Variants in KLF15 observed in about 807,000 individuals in gnomAD.
The protein encoded by KLF15 is Krueppel-like factor 15.
In KLF15, 4 loss-of-function variants were observed where a neutral mutation model predicts 24.6. The observed-to-expected ratio is 0.16, with a 90% CI of 0.08 to 0.37. The LOEUF (loss-of-function observed/expected upper bound fraction) is 0.37. KLF15 is among the 10% of genes least tolerant of loss of function. The pLI is 1.00. For missense variants in KLF15, 496 were observed against 560.6 expected (o/e 0.88, Z 1.16); for synonymous variants, 246 against 236.3 (o/e 1.04, Z -0.37).
rs567471141 is a variant in KLF15 at position 126,356,765 on chromosome 3, G to T, written c.-26+472C>A. ...CAGACCCCTTCTAGAGTCCTGGACC[G>T]CTGCCCGCTGGGCACCATGCCCTCG... On this transcript the variant is annotated intron_variant, in intron 1 of 2. Coordinates refer to ENST00000296233, the MANE Select transcript of KLF15 (RefSeq NM_014079.4). This position sits in a 1 kb window ranked among gnomAD's most constrained non-coding sequence, Gnocchi z 4.4. Among the ~76,000 whole-genome samples, 1 of 152,012 alleles carries T rather than the reference G, an allele frequency of 6.6e-6. No homozygotes were observed. The highest frequency in any genetic ancestry group is 2.4e-5 in the African/African-American group (1 of 41,400).
chr3:126,337,745 G>T (rs567731630), downstream of KLF15, among the ~76,000 whole-genome samples: 1 of 152,142 alleles, frequency 6.6e-6, no homozygotes, highest in Non-Finnish European at 1.5e-5. Context: ...GCTATTCTAA[G>T]TGTGTTGCAT....
the KLF15 span, among the ~76,000 whole-genome samples, chr3:126,309,470 G>A: frequency 1.3e-5 from 2 of 152,246 alleles, no homozygotes; most frequent in African/African-American, 2.4e-5. Flanking sequence ...CGACAGATTC[G>A]AGTTGGAGGT....
At chr3:126,303,917 C>T in the KLF15 span, among the ~76,000 whole-genome samples, 1 of 151,392 alleles carries the variant, frequency 6.6e-6, no homozygotes, top group Admixed American at 6.6e-5. Flanking sequence ...ATTAATTTCT[C>T]ATCTCAGACA....
At chr3:126,303,313 A>G in the KLF15 span, among the ~76,000 whole-genome samples, 3 of 151,886 alleles carry the variant, frequency 2.0e-5, no homozygotes, top group Non-Finnish European at 4.4e-5. Flanking sequence ...GACTTCTGGT[A>G]GTATTTTTTT....
At chr3:126,310,806 C>A in the KLF15 span, among the ~76,000 whole-genome samples, 32 of 152,282 alleles carry the variant, frequency 2.1e-4, no homozygotes, top group East Asian at 6.0e-3. Context: ...AAATAGAGTC[C>A]TTTTCTTAGG....
At chr3:126,324,577 G>A in the KLF15 span, among the ~76,000 whole-genome samples, 1 of 121,868 alleles carries the variant, frequency 8.2e-6, no homozygotes, top group Non-Finnish European at 1.7e-5. Context: ...TGCCACACCC[G>A]CCCCCAACTT....
the KLF15 span, among the ~76,000 whole-genome samples, chr3:126,304,210 GTT>G: frequency 7.4e-5 from 5 of 67,582 alleles, no homozygotes; most frequent in Non-Finnish European, 2.2e-4. Flanking sequence ...CTGGTACTCA[GTT>G]AAGTTATTGG....
In KLF15 at chr3:126,343,627, T is replaced by C. The variant is rs929710333; in HGVS notation, c.*100A>G. On this transcript the variant is annotated 3_prime_UTR_variant, in exon 3 of 3. Transcript: ENST00000296233. ...GGCTTCAGAAGGTGGGCTGGTAACA[T>C]TGCCATGTCCCTCTGGAGGAGGCAA... is the stretch of plus-strand genomic sequence containing the variant. 2 of 1,217,550 alleles carry C rather than the reference T, an allele frequency of 1.6e-6. No homozygotes were observed. The highest frequency in any genetic ancestry group is 1.4e-5 in the South Asian group (1 of 71,888). The allele number at this position is 1,217,550 out of a possible 1,614,324, so 75.4% of individuals were successfully genotyped here. A position where few individuals can be genotyped will look rare whatever the true frequency, so the allele number is the denominator to read the frequency against.
the KLF15 span, chr3:126,293,815 TTTTAGACTTATAGAAGAA>T: frequency 6.6e-6 from 1 of 152,260 alleles, no homozygotes; most frequent in Non-Finnish European, 1.5e-5. Context: ...TCTGAGATAA[TTTTAGACTTATAGAAGAA>T]TTGCGAAAGC....
the KLF15 span, among the ~76,000 whole-genome samples, chr3:126,308,142 C>A: frequency 2.0e-5 from 3 of 152,204 alleles, no homozygotes; most frequent in Non-Finnish European, 4.4e-5. Context: ...GAAGCAGACT[C>A]TGAGATGGAC....
At chr3:126,298,182 G>T in the KLF15 span, among the ~76,000 whole-genome samples, 1 of 151,718 alleles carries the variant, frequency 6.6e-6, no homozygotes, top group Non-Finnish European at 1.5e-5. Context: ...GTTTTGATTT[G>T]CATTTTCCTG....
chr3:126,296,240 G>C, the KLF15 span, among the ~76,000 whole-genome samples: 2 of 152,068 alleles, frequency 1.3e-5, no homozygotes, highest in African/African-American at 2.4e-5. Flanking sequence ...TTGGAGTCTC[G>C]CTCTATCGCC....
At chr3:126,295,972 TG>T in the KLF15 span, among the ~76,000 whole-genome samples, 1 of 152,180 alleles carries the variant, frequency 6.6e-6, no homozygotes, top group Non-Finnish European at 1.5e-5. Flanking sequence ...GACTTGTCTG[TG>T]GTATATTCAT....
chr3:126,354,628 G>C (rs2082615927), intron 1 of KLF15, among the ~76,000 whole-genome samples: 2 of 152,206 alleles, frequency 1.3e-5, no homozygotes, highest in Admixed American at 1.3e-4. Flanking sequence ...AGGACATTTG[G>C]CTTTTTGGTT....
chr3:126,310,243 C>T, the KLF15 span, among the ~76,000 whole-genome samples: 1 of 152,238 alleles, frequency 6.6e-6, no homozygotes, highest in Non-Finnish European at 1.5e-5. Flanking sequence ...TGGAGGCTCA[C>T]ATTTAAACCA....
chr3:126,355,974 G>A (rs577928786), intron 1 of KLF15, among the ~76,000 whole-genome samples: 24 of 152,348 alleles, frequency 1.6e-4, no homozygotes, highest in African/African-American at 5.3e-4. Context: ...CTGCGTGCAG[G>A]GGGAGGGGAC....
At chr3:126,331,426 A>G in the KLF15 span, among the ~76,000 whole-genome samples, 1 of 152,198 alleles carries the variant, frequency 6.6e-6, no homozygotes, top group South Asian at 2.1e-4. Flanking sequence ...ATCAGCTTTC[A>G]GTTCTTCCCA....
chr3:126,344,000 A>T, intron 2 of KLF15, 105 bp from the exon 3 acceptor site: 1 of 1,230,292 alleles, frequency 8.1e-7, no homozygotes, highest in Non-Finnish European at 1.1e-6. Flanking sequence ...CACTCACCCA[A>T]AGGGTGGCTG....
At chr3:126,348,010 C>G (rs895854413) in intron 2 of KLF15, among the ~76,000 whole-genome samples, 2 of 152,132 alleles carry the variant, frequency 1.3e-5, no homozygotes, top group Admixed American at 6.5e-5. Flanking sequence ...AGAGCTCCCC[C>G]ACGGGGAGTA....
Sources: gnomAD v4.1 joint callset for allele counts (sites outside exome capture counted in the v4.1 genomes callset) on GRCh38, gnomAD v4.1.1 for gene constraint, Gnocchi (gnomAD v3.1) non-coding constraint, MANE v1.5 for transcripts, NCBI Gene and HGNC (gene_info 2026-07-23, HGNC 2026-07-21) for gene names.